Variants in ANKRD31 observed in about 807,000 individuals in gnomAD.
ANKRD31 encodes ankyrin repeat domain-containing protein 31.
A neutral mutation model predicts 186.0 loss-of-function variants in ANKRD31; 147 were observed. The observed-to-expected ratio is 0.79, with a 90% CI of 0.69 to 0.91. ANKRD31 has a LOEUF of 0.91. ANKRD31 is among the 40% of genes least tolerant of loss of function. ANKRD31 has a pLI of 0.00. For synonymous variants in ANKRD31, 673 were observed against 736.4 expected (o/e 0.91, Z 1.39); for missense variants, 1,986 against 2,148.8 (o/e 0.92, Z 1.50).
intron 19 of ANKRD31, among the ~76,000 whole-genome samples, chr5:75,113,390 T>C (rs1022854630): frequency 1.5e-4 from 23 of 152,220 alleles, no homozygotes; most frequent in African/African-American, 5.5e-4. Context: ...TGATTTCCTT[T>C]TTCTCAGAAT....
rs1356150980 is a variant in ANKRD31 at position 75,137,888 on chromosome 5, A to C, written c.3844T>G (p.Leu1282Val). Reference protein sequence around the residue: ...NCENIDGILPLHDAVANNHLK... With the variant: ...NCENIDGILPVHDAVANNHLK... ...TGATTGTTTGCAACAGCATCATGTA[A>C]GGGCAGAATTCCATCTATATTTTCA... The change falls in exon 17 of 26, where the codon TTA becomes GTA. Residue 1282 changes from leucine (L) to valine (V), a missense_variant. Transcript: ENST00000506364. The C allele has an allele frequency of 3.3e-6, 5 of 1,531,640 alleles. No individual in the cohort carries two copies. In the East Asian group the frequency reaches 1.2e-4, roughly 38 times the overall value. 94.9% of individuals were successfully genotyped at this position (1,531,640 alleles called of 1,614,324 possible).
chr5:75,195,786 C>G lies in ANKRD31; in HGVS notation c.862G>C (p.Glu288Gln). ...EDAKDDALPA[E>Q]LLEALNTLSE... ...AATGTGTTCAGGGCTTCCAATAACT[C>G]AGCTGGCAATGCATCATCTTTTGCA... Residue 288 changes from glutamate to glutamine, a missense_variant, in exon 7 of 26, where the codon GAG becomes CAG. Coordinates refer to ENST00000506364, the MANE Select transcript of ANKRD31 (RefSeq NM_001372053.1). 6.5e-7 allele frequency: 1 copy of G among 1,537,430 alleles called. No homozygotes were observed. The highest frequency in any genetic ancestry group is 1.2e-5 in the South Asian group (1 of 84,026).
intron 12 of ANKRD31, among the ~76,000 whole-genome samples, chr5:75,151,710 C>T (rs940530533): frequency 2.0e-5 from 3 of 151,916 alleles, no homozygotes; most frequent in African/African-American, 7.3e-5. Flanking sequence ...CCATTTAGAT[C>T]GGGAAAAGAT....
chr5:75,091,143 C>T (rs1217928658), intron 23 of ANKRD31, 118 bp downstream of exon 23: 1 of 1,154,304 alleles, frequency 8.7e-7, no homozygotes, highest in African/African-American at 1.6e-5. Flanking sequence ...AGAATGAACA[C>T]ATGAATACAA....
intron 10 of ANKRD31, among the ~76,000 whole-genome samples, chr5:75,181,677 T>G (rs1020779841): frequency 3.0e-5 from 4 of 134,678 alleles, no homozygotes; most frequent in African/African-American, 1.1e-4. Flanking sequence ...AGGTGGGAAT[T>G]GAACAATGAG....
chr5:75,200,688 A>C (rs1323727076), intron 5 of ANKRD31, among the ~76,000 whole-genome samples: 1 of 150,970 alleles, frequency 6.6e-6, no homozygotes, highest in Admixed American at 6.6e-5. Context: ...CAAGGTGGGC[A>C]GATCACTTGA....
At chr5:75,068,717 TA>T in intron 25 of ANKRD31, 53 bp from the exon 26 acceptor site, 1 of 1,433,224 alleles carries the variant, frequency 7.0e-7, no homozygotes, top group South Asian at 1.5e-5. Context: ...ATTTAAGATG[TA>T]AATTTTGCTA....
chr5:75,090,791 A>G (rs1290464839), intron 23 of ANKRD31, among the ~76,000 whole-genome samples: 1 of 152,238 alleles, frequency 6.6e-6, no homozygotes, highest in Non-Finnish European at 1.5e-5. Flanking sequence ...ATGTTCAAAC[A>G]TAAAAATACA....
intron 25 of ANKRD31, among the ~76,000 whole-genome samples, chr5:75,079,952 G>A (rs1431506462): frequency 2.0e-5 from 3 of 151,924 alleles, no homozygotes; most frequent in Non-Finnish European, 4.4e-5. Context: ...AAAAAAATTA[G>A]CTGGGCATGG....
intron 17 of ANKRD31, among the ~76,000 whole-genome samples, chr5:75,137,045 G>A (rs1450997843): frequency 6.6e-6 from 1 of 152,098 alleles, no homozygotes; most frequent in African/African-American, 2.4e-5. Context: ...GATAGCATTA[G>A]GAGATATACC....
intron 15 of ANKRD31, among the ~76,000 whole-genome samples, chr5:75,141,173 T>C (rs1186317983): frequency 6.6e-6 from 1 of 152,118 alleles, no homozygotes; most frequent in East Asian, 1.9e-4. Context: ...GGGCAAGAGA[T>C]AAAAAGATTA....
Position 75,196,171 on chromosome 5 carries a change from T to A in ANKRD31, c.477A>T (p.Glu159Asp). The A allele has an allele frequency of 6.7e-7, 1 of 1,490,186 alleles. No homozygotes were observed. Among genetic ancestry groups the A allele is most frequent in the Non-Finnish European group, 8.9e-7 (1 of 1,128,074 alleles). 92.3% of individuals were successfully genotyped at this position (1,490,186 alleles called of 1,614,324 possible). Residue 159 changes from glutamate (E) to aspartate (D), a missense_variant, in exon 7 of 26, where the codon GAA becomes GAT. Transcript: ENST00000506364. ...TAGCAGTGCCTGAGAGAAGGCTAAC[T>A]TCAGGAGAATCTCTGCCTTCACTTA... ...KELSEGRDSP[E>D]VSLLSGTAIT...
chr5:75,131,724 G>C (rs1016234671), intron 17 of ANKRD31, among the ~76,000 whole-genome samples: 4 of 152,158 alleles, frequency 2.6e-5, no homozygotes, highest in African/African-American at 7.2e-5. Context: ...AAGTGGGTCT[G>C]TGACCCCCAA....
In ANKRD31 at chr5:75,130,250, G is replaced by C. The variant is rs184362827; in HGVS notation, c.3876+7606C>G. Among the ~76,000 whole-genome samples, 5 of 152,296 alleles carry C rather than the reference G, an allele frequency of 3.3e-5. No individual in the cohort carries two copies. In the East Asian group the frequency reaches 7.7e-4, roughly 24 times the overall value. ...CGCTGGCTTCAAGAGTGAAGCTGCA[G>C]ACCTTCACCATGAGTGTTACAGCTC... On this transcript the variant is annotated intron_variant, in intron 17 of 25. Transcript: ENST00000506364.
chr5:75,166,086 A>T (rs1455995641), intron 11 of ANKRD31, among the ~76,000 whole-genome samples: 1 of 152,186 alleles, frequency 6.6e-6, no homozygotes, highest in African/African-American at 2.4e-5. Context: ...ATTTCTTTAA[A>T]ATACTCCAAT....
intron 23 of ANKRD31, among the ~76,000 whole-genome samples, chr5:75,087,136 G>A (rs2150024487): frequency 6.6e-6 from 1 of 152,128 alleles, no homozygotes; most frequent in South Asian, 2.1e-4. Context: ...TTCCCTTCTG[G>A]GACTCCATTT....
At chr5:75,085,691 C>G (rs138494518) in intron 23 of ANKRD31, among the ~76,000 whole-genome samples, 3 of 152,092 alleles carry the variant, frequency 2.0e-5, no homozygotes, top group African/African-American at 7.2e-5. Context: ...TGTGAGCCAC[C>G]GTGCCTGGCT....
chr5:75,162,798 G>A (rs1482545438), intron 11 of ANKRD31, among the ~76,000 whole-genome samples: 4 of 152,036 alleles, frequency 2.6e-5, no homozygotes, highest in Non-Finnish European at 5.9e-5. Flanking sequence ...CACAGCCCAG[G>A]TGCTAGGTAT....
At chr5:75,077,624 T>G (rs569093453) in intron 25 of ANKRD31, among the ~76,000 whole-genome samples, 1 of 152,056 alleles carries the variant, frequency 6.6e-6, no homozygotes, top group South Asian at 2.1e-4. Flanking sequence ...ACCCTGAAAT[T>G]CTACTAAAAA....
Sources: gnomAD v4.1 joint callset for allele counts (sites outside exome capture counted in the v4.1 genomes callset) on GRCh38, gnomAD v4.1.1 for gene constraint, MANE v1.5 for transcripts, NCBI Gene and HGNC (gene_info 2026-07-23, HGNC 2026-07-21) for gene names.